Variants in DENND1B observed in about 807,000 individuals in gnomAD.
DENND1B encodes the protein DENN domain-containing protein 1B.
In DENND1B, 59 loss-of-function variants were observed where a neutral mutation model predicts 90.1. The ratio of observed to expected loss-of-function variants is 0.65; its 90% CI spans 0.53 to 0.81. The LOEUF is 0.81. DENND1B is among the 40% of genes least tolerant of loss of function. DENND1B has a pLI of 0.00. For synonymous variants in DENND1B, 337 were observed against 324.6 expected (o/e 1.04, Z -0.41); for missense variants, 862 against 912.6 (o/e 0.94, Z 0.71).
At chr1:197,773,024 T>A in intron 1 of DENND1B, 92 bp from the exon 2 acceptor site, 5 of 1,079,268 alleles carry the variant, frequency 4.6e-6, no homozygotes, top group Non-Finnish European at 7.0e-6. Flanking sequence ...ATCTTGTTTT[T>A]GTCTCAATAC....
chr1:197,517,370 C>G (rs1668472066), intron 20 of DENND1B, among the ~76,000 whole-genome samples: 1 of 151,832 alleles, frequency 6.6e-6, no homozygotes, highest in Non-Finnish European at 1.5e-5. Context: ...AAGGTCTGCA[C>G]CCTAGGGTTC....
At position 197,667,651 on chromosome 1, in the gene DENND1B, G is replaced by A. The variant is rs149308233; in HGVS notation, c.296+4386C>T. ...CTTGACCTCGTAATCCGCCCGCCTC[G>A]GCCTCCCAAAGCACTCGGATTACAG... On this transcript the variant is annotated intron_variant, in intron 5 of 22. Coordinates refer to ENST00000620048, the MANE Select transcript of DENND1B (RefSeq NM_001195215.2). 5.9e-5 allele frequency among the ~76,000 whole-genome samples: 9 copies of A among 151,988 alleles called. No individual in the cohort carries two copies. In the East Asian group the frequency reaches 9.7e-4, roughly 16 times the overall value.
At chr1:197,664,758 A>G (rs1445515816) in intron 5 of DENND1B, among the ~76,000 whole-genome samples, 5 of 152,112 alleles carry the variant, frequency 3.3e-5, no homozygotes, top group African/African-American at 7.2e-5. Flanking sequence ...TCTGTCTGGA[A>G]AATTGACACA....
chr1:197,675,490 A>C (rs1655965157), intron 3 of DENND1B, among the ~76,000 whole-genome samples: 1 of 152,092 alleles, frequency 6.6e-6, no homozygotes. Context: ...ATTGCTTATA[A>C]TCATAATCAT....
chr1:197,667,586 C>T (rs903900111), intron 5 of DENND1B, among the ~76,000 whole-genome samples: 4 of 152,040 alleles, frequency 2.6e-5, no homozygotes, highest in Admixed American at 6.5e-5. Flanking sequence ...TGCGCCACCA[C>T]GCCCAGCTAA....
upstream of DENND1B, among the ~76,000 whole-genome samples, chr1:197,778,995 A>G (rs1289971572): frequency 6.6e-6 from 1 of 152,038 alleles, no homozygotes; most frequent in African/African-American, 2.4e-5. Flanking sequence ...CAAAACTAAA[A>G]TCCCCCCAAA....
intron 14 of DENND1B, among the ~76,000 whole-genome samples, chr1:197,585,525 G>A (rs1674622198): frequency 6.6e-6 from 1 of 152,166 alleles, no homozygotes; most frequent in African/African-American, 2.4e-5. Context: ...GAAGAATTCT[G>A]TCCTCATTAA....
intron 2 of DENND1B, among the ~76,000 whole-genome samples, chr1:197,770,087 CA>C (rs2102499886): frequency 6.6e-6 from 1 of 152,174 alleles, no homozygotes; most frequent in East Asian, 1.9e-4. Flanking sequence ...TAGCCATATT[CA>C]TACTATTTAA....
chr1:197,687,098 A>G (rs1302120262), intron 3 of DENND1B, among the ~76,000 whole-genome samples: 1 of 152,194 alleles, frequency 6.6e-6, no homozygotes, highest in Non-Finnish European at 1.5e-5. Flanking sequence ...TTATTTCTGA[A>G]GCAGAATAGT....
chr1:197,730,241 G>A (rs1662029185), intron 2 of DENND1B, among the ~76,000 whole-genome samples: 1 of 151,858 alleles, frequency 6.6e-6, no homozygotes, highest in South Asian at 2.1e-4. Context: ...AAGACAAAGG[G>A]GAGATTTCAA....
chr1:197,661,790 T>G (rs1654431456), intron 5 of DENND1B, among the ~76,000 whole-genome samples: 1 of 152,052 alleles, frequency 6.6e-6, no homozygotes, highest in Admixed American at 6.6e-5. Flanking sequence ...GAACTTTATA[T>G]TATTGTTTTT....
At chr1:197,595,384 C>T (rs763071469) in intron 13 of DENND1B, 51 bp from the exon 14 acceptor site, 16 of 1,593,926 alleles carry the variant, frequency 1.0e-5, no homozygotes, top group Admixed American at 8.6e-5. Context: ...ATTGGTACAG[C>T]GAGGTAGGAA....
intron 2 of DENND1B, among the ~76,000 whole-genome samples, chr1:197,767,962 C>T (rs1174022420): frequency 6.6e-6 from 1 of 152,168 alleles, no homozygotes; most frequent in Non-Finnish European, 1.5e-5. Flanking sequence ...GACAGACTAC[C>T]CTGCGCAAGT....
chr1:197,609,231 T>C (rs1676968313), intron 12 of DENND1B, among the ~76,000 whole-genome samples: 1 of 150,652 alleles, frequency 6.6e-6, no homozygotes, highest in African/African-American at 2.4e-5. Context: ...AGAACAACTG[T>C]AAGGTGGTGA....
At chr1:197,752,530 T>C (rs1653689170) in intron 2 of DENND1B, among the ~76,000 whole-genome samples, 1 of 152,062 alleles carries the variant, frequency 6.6e-6, no homozygotes, top group South Asian at 2.1e-4. Context: ...GTAATTGTAA[T>C]AAAGCAATTT....
At chr1:197,735,797 C>G in intron 2 of DENND1B, 1 of 1,610,922 alleles carries the variant, frequency 6.2e-7, no homozygotes, top group Non-Finnish European at 8.5e-7. Flanking sequence ...GGACTGTCCT[C>G]TACAGAAAGA....
At chr1:197,697,327 T>C (rs1048572065) in intron 3 of DENND1B, among the ~76,000 whole-genome samples, 4 of 151,728 alleles carry the variant, frequency 2.6e-5, no homozygotes, top group African/African-American at 9.7e-5. Context: ...CAAAAATTTA[T>C]GTAAATCTTC....
chr1:197,770,616 C>A (rs1425382884), intron 2 of DENND1B, among the ~76,000 whole-genome samples: 1 of 134,046 alleles, frequency 7.5e-6, no homozygotes, highest in Non-Finnish European at 1.6e-5. Context: ...GTATATATAT[C>A]TATAAATATA....
intron 15 of DENND1B, among the ~76,000 whole-genome samples, chr1:197,577,314 G>A (rs990659963): frequency 2.0e-5 from 3 of 152,102 alleles, no homozygotes; most frequent in African/African-American, 7.2e-5. Context: ...AATATACAAT[G>A]TATAAATGTT....
Sources: allele counts gnomAD v4.1 joint callset (sites outside exome capture counted in the v4.1 genomes callset), GRCh38; gene constraint gnomAD v4.1.1; transcripts MANE v1.5; gene names NCBI Gene and HGNC (gene_info 2026-07-23, HGNC 2026-07-21).